Variants in MACROD2 observed in about 807,000 individuals in gnomAD.
MACROD2 encodes ADP-ribose glycohydrolase MACROD2.
A neutral mutation model predicts 70.4 loss-of-function variants in MACROD2; 36 were observed. The ratio of observed to expected loss-of-function variants is 0.51; its 90% CI spans 0.39 to 0.68. The LOEUF is 0.68. MACROD2 is among the 30% of genes least tolerant of loss of function. The pLI is 0.00. For synonymous variants in MACROD2, 172 were observed against 178.8 expected (o/e 0.96, Z 0.30); for missense variants, 496 against 538.4 (o/e 0.92, Z 0.78).
intron 3 of MACROD2, among the ~76,000 whole-genome samples, chr20:14,334,285 T>C (rs1165823831): frequency 6.6e-6 from 1 of 152,220 alleles, no homozygotes; most frequent in Non-Finnish European, 1.5e-5. Context: ...ATCTGTATTT[T>C]GAAACTGGAA....
intron 3 of MACROD2, among the ~76,000 whole-genome samples, chr20:14,097,740 T>A (rs1356391200): frequency 6.6e-6 from 1 of 152,232 alleles, no homozygotes; most frequent in Non-Finnish European, 1.5e-5. Context: ...TTTGGAATAT[T>A]TACATATACA....
intron 5 of MACROD2, among the ~76,000 whole-genome samples, chr20:14,847,099 A>AG (rs2073150334): frequency 1.3e-5 from 2 of 151,918 alleles, no homozygotes; most frequent in Admixed American, 6.6e-5. Flanking sequence ...AAGAAAAAAA[A>AG]GTACTAGTGT....
chr20:15,620,547 C>T (rs2049110654), intron 8 of MACROD2, among the ~76,000 whole-genome samples: 1 of 152,160 alleles, frequency 6.6e-6, no homozygotes, highest in Non-Finnish European at 1.5e-5. Context: ...CTATGAAGAA[C>T]ACACCTGTGC....
At chr20:14,622,090 CATT>C (rs1170325562) in intron 4 of MACROD2, among the ~76,000 whole-genome samples, 2 of 152,046 alleles carry the variant, frequency 1.3e-5, no homozygotes, top group African/African-American at 4.8e-5. Context: ...AATTGTATTA[CATT>C]ATTTTATTTA....
intron 6 of MACROD2, among the ~76,000 whole-genome samples, chr20:15,301,023 A>G (rs1396318629): frequency 6.6e-6 from 1 of 152,166 alleles, no homozygotes; most frequent in Non-Finnish European, 1.5e-5. Context: ...TTGCCCCCAC[A>G]TGGCACCACT....
chr20:15,652,192 C>T (rs1225365485), intron 8 of MACROD2, among the ~76,000 whole-genome samples: 1 of 152,180 alleles, frequency 6.6e-6, no homozygotes, highest in Non-Finnish European at 1.5e-5. Context: ...AAGGCCTTTT[C>T]TTTATGAGAC....
chr20:14,238,792 GC>G (rs1429677388), intron 3 of MACROD2, among the ~76,000 whole-genome samples: 1 of 151,940 alleles, frequency 6.6e-6, no homozygotes, highest in African/African-American at 2.4e-5. Flanking sequence ...ACTTTGGGAG[GC>G]CGAGGCGGGC....
At chr20:15,086,104 G>T (rs537968809) in intron 5 of MACROD2, among the ~76,000 whole-genome samples, 17 of 152,212 alleles carry the variant, frequency 1.1e-4, no homozygotes, top group African/African-American at 3.9e-4. Context: ...ATCTTGTTAA[G>T]TCCTCCAGGT....
intron 8 of MACROD2, among the ~76,000 whole-genome samples, chr20:15,848,304 C>T (rs578248246): frequency 6.6e-6 from 1 of 152,216 alleles, no homozygotes; most frequent in Admixed American, 6.5e-5. Flanking sequence ...ATTCCCAGCC[C>T]CCGTGCAGGA....
intron 8 of MACROD2, among the ~76,000 whole-genome samples, chr20:15,624,220 T>C (rs2049169952): frequency 6.6e-6 from 1 of 152,184 alleles, no homozygotes; most frequent in African/African-American, 2.4e-5. Flanking sequence ...GCCAGAAGAC[T>C]CAGCAAGCCT....
chr20:14,224,792 A>G (rs2081716807), intron 3 of MACROD2, among the ~76,000 whole-genome samples: 1 of 152,210 alleles, frequency 6.6e-6, no homozygotes, highest in Non-Finnish European at 1.5e-5. Flanking sequence ...TGACCTGCAT[A>G]CCAGTACTGT....
At chr20:14,678,193 C>T (rs2070885834) in intron 4 of MACROD2, among the ~76,000 whole-genome samples, 1 of 152,082 alleles carries the variant, frequency 6.6e-6, no homozygotes, top group African/African-American at 2.4e-5. Flanking sequence ...AGCCTGCAGA[C>T]AATGGAAGGT....
At chr20:15,155,854 GAA>G (rs10536310) in intron 5 of MACROD2, among the ~76,000 whole-genome samples, 89,177 of 150,308 alleles carry the variant, frequency 0.59, 26,386 homozygotes, top group East Asian at 0.65. Flanking sequence ...ATGAGGAATA[GAA>G]AAAAAAAAAC....
At chr20:14,713,880 G>A (rs1305937034) in intron 5 of MACROD2, among the ~76,000 whole-genome samples, 1 of 152,180 alleles carries the variant, frequency 6.6e-6, no homozygotes, top group African/African-American at 2.4e-5. Context: ...TCAGTGGCCT[G>A]ATAATTCTTA....
At chr20:15,539,011 T>A (rs2047917507) in intron 8 of MACROD2, among the ~76,000 whole-genome samples, 1 of 152,122 alleles carries the variant, frequency 6.6e-6, no homozygotes, top group South Asian at 2.1e-4. Context: ...TATAAATATA[T>A]ATGAACTATA....
intron 8 of MACROD2, among the ~76,000 whole-genome samples, chr20:15,784,956 G>T (rs1462848191): frequency 6.6e-6 from 1 of 151,576 alleles, no homozygotes; most frequent in East Asian, 1.9e-4. Flanking sequence ...AGACCATCCT[G>T]GCTAACACAG....
At position 14,861,855 on chromosome 20, in the gene MACROD2, A is replaced by G. The variant is rs139528832; in HGVS notation, c.418+176896A>G. 1.0e-3 allele frequency among the ~76,000 whole-genome samples: 148 copies of G among 145,672 alleles called. 1 individual carries two copies. Among genetic ancestry groups the G allele is most frequent in the Middle Eastern group, 6.8e-3 (2 of 292 alleles). On this transcript the variant is annotated intron_variant, in intron 5 of 17. Transcript: ENST00000684519. ...ATCAGTGGCTCTCCTGCTGCTGGCC[A>G]AGCAGGACCCCAAGGTCCACTGGGA...
rs1237418388 is a variant in MACROD2 at position 14,615,671 on chromosome 20, G to A, written c.302-69172G>A. On this transcript the variant is annotated intron_variant, in intron 4 of 17. Transcript: ENST00000684519. ...TAGGCATAATTTGGTTGACTTTCAG[G>A]AGCAGGGAAGAATATGTGCCAGTGT... Among the ~76,000 whole-genome samples the A allele has an allele frequency of 2.0e-5, 3 of 152,116 alleles. 1 individual carries two copies. Among genetic ancestry groups the A allele is most frequent in the African/African-American group, 7.2e-5 (3 of 41,436 alleles).
At chr20:15,449,827 T>C (rs1309584164) in intron 7 of MACROD2, among the ~76,000 whole-genome samples, 1 of 152,068 alleles carries the variant, frequency 6.6e-6, no homozygotes, top group East Asian at 1.9e-4. Context: ...AACCCGTCTC[T>C]ACTAAAAATA....
Sources: gnomAD v4.1 joint callset for allele counts (sites outside exome capture counted in the v4.1 genomes callset) on GRCh38, gnomAD v4.1.1 for gene constraint, MANE v1.5 for transcripts, NCBI Gene and HGNC (gene_info 2026-07-23, HGNC 2026-07-21) for gene names.